Variants in NTM observed in about 807,000 individuals in gnomAD.
NTM encodes neurotrimin.
NTM carries 13 observed loss-of-function variants against 42.1 expected under a neutral mutation model. The observed-to-expected ratio is 0.31, with a 90% CI of 0.20 to 0.49. The LOEUF is 0.49. Ranked by LOEUF, NTM falls within the 20% of genes least tolerant of loss-of-function variation. NTM has a pLI of 0.99. For synonymous variants in NTM, 187 were observed against 179.2 expected (o/e 1.04, Z -0.35); for missense variants, 373 against 452.8 (o/e 0.82, Z 1.60).
chr11:131,885,239 A>G (rs1372110566), intron 1 of NTM, among the ~76,000 whole-genome samples: 1 of 152,224 alleles, frequency 6.6e-6, no homozygotes, highest in African/African-American at 2.4e-5. Context: ...ATACAACAGC[A>G]AACAGGCAAA....
At chr11:131,392,566 G>A (rs892970121) in intron 1 of NTM, among the ~76,000 whole-genome samples, 9 of 152,214 alleles carry the variant, frequency 5.9e-5, no homozygotes, top group African/African-American at 1.7e-4. Context: ...ATAAAGCCTC[G>A]CCTTGAGAAG....
chr11:131,460,318 T>A (rs1000790333), intron 1 of NTM, among the ~76,000 whole-genome samples: 6 of 152,192 alleles, frequency 3.9e-5, no homozygotes, highest in Non-Finnish European at 8.8e-5. Flanking sequence ...TTATTTTGAA[T>A]GGCCCCAAAG....
intron 2 of NTM, among the ~76,000 whole-genome samples, chr11:131,971,536 C>G (rs512066): frequency 0.27 from 40,939 of 151,936 alleles, 6,055 homozygotes; most frequent in African/African-American, 0.37. Context: ...TTTGTCGTCT[C>G]TTACCATTTG....
chr11:131,821,721 G>C (rs1001986728), intron 1 of NTM, among the ~76,000 whole-genome samples: 2 of 152,304 alleles, frequency 1.3e-5, no homozygotes, highest in East Asian at 3.9e-4. Flanking sequence ...TGGAGGAAGG[G>C]CTCTGGGGCT....
At position 131,696,434 on chromosome 11, in the gene NTM, G is replaced by C. The variant is rs142058320; in HGVS notation, c.83-215130G>C. ...TCCAAAGAGGAAGACATATCAAGTT[G>C]TAGGGGCCTTCCCTTCTGCCCACAA... On this transcript the variant is annotated intron_variant, in intron 1 of 8. Coordinates refer to ENST00000683400, the MANE Select transcript of NTM (RefSeq NM_001352005.2). 3.2e-3 allele frequency among the ~76,000 whole-genome samples: 481 copies of C among 152,324 alleles called. 2 individuals are homozygous for C. The highest frequency in any genetic ancestry group is 0.027 in the Middle Eastern group (8 of 294).
At chr11:131,628,137 T>G (rs2137738273) in intron 1 of NTM, among the ~76,000 whole-genome samples, 1 of 152,280 alleles carries the variant, frequency 6.6e-6, no homozygotes, top group Admixed American at 6.5e-5. Flanking sequence ...ACGAAGCCAC[T>G]AAGGGAATTG....
chr11:131,908,058 TTGCAAG>T (rs2054122880), intron 1 of NTM, among the ~76,000 whole-genome samples: 2 of 152,246 alleles, frequency 1.3e-5, no homozygotes, highest in Admixed American at 1.3e-4. Flanking sequence ...AGGTATGAGG[TTGCAAG>T]TGCCTTTTCT....
chr11:132,298,113 T>C (rs1591822806), intron 4 of NTM, among the ~76,000 whole-genome samples: 1 of 152,226 alleles, frequency 6.6e-6, no homozygotes, highest in Non-Finnish European at 1.5e-5. Flanking sequence ...AGAATTCCCT[T>C]AAATTAATCT....
chr11:131,821,462 C>T (rs1308055443), intron 1 of NTM, among the ~76,000 whole-genome samples: 11 of 152,154 alleles, frequency 7.2e-5, no homozygotes, highest in Non-Finnish European at 1.5e-4. Context: ...CCAGCAAACA[C>T]TTGAGTCTAT....
chr11:132,036,931 G>T (rs2076577672), intron 2 of NTM, among the ~76,000 whole-genome samples: 1 of 152,110 alleles, frequency 6.6e-6, no homozygotes, highest in Non-Finnish European at 1.5e-5. Context: ...GTATCCTGGG[G>T]TCAGCACTGA....
At chr11:131,944,845 G>A (rs1170962728) in intron 2 of NTM, among the ~76,000 whole-genome samples, 1 of 152,142 alleles carries the variant, frequency 6.6e-6, no homozygotes, top group East Asian at 1.9e-4. Context: ...TGTGTAGTGC[G>A]GAGAACCAAA....
At chr11:132,163,432 A>G (rs912310753) in intron 3 of NTM, among the ~76,000 whole-genome samples, 4 of 152,244 alleles carry the variant, frequency 2.6e-5, no homozygotes, top group African/African-American at 9.6e-5. Flanking sequence ...TGTATAGCTT[A>G]TTGAAACCTG....
At chr11:131,660,223 G>A (rs939189341) in intron 1 of NTM, 21 of 324,822 alleles carry the variant, frequency 6.5e-5, no homozygotes, top group Non-Finnish European at 1.2e-4. Context: ...TGAGGCAGGG[G>A]ACTGAACACA....
intron 1 of NTM, among the ~76,000 whole-genome samples, chr11:131,702,227 G>A (rs1384307748): frequency 6.6e-6 from 1 of 152,096 alleles, no homozygotes; most frequent in Non-Finnish European, 1.5e-5. Context: ...ATCTATCAGG[G>A]TCTGCTTTTC....
At chr11:131,747,568 G>A (rs1376481170) in intron 1 of NTM, among the ~76,000 whole-genome samples, 1 of 152,158 alleles carries the variant, frequency 6.6e-6, no homozygotes, top group Non-Finnish European at 1.5e-5. Flanking sequence ...TCTGAGATGA[G>A]TGGTGTAAAT....
chr11:132,166,039 C>T (rs2075219998), intron 3 of NTM, among the ~76,000 whole-genome samples: 1 of 151,974 alleles, frequency 6.6e-6, no homozygotes, highest in Non-Finnish European at 1.5e-5. Context: ...AAAATTTTCA[C>T]CTAAAGCTCT....
At chr11:132,097,052 G>A (rs1279589780) in intron 2 of NTM, among the ~76,000 whole-genome samples, 1 of 152,318 alleles carries the variant, frequency 6.6e-6, no homozygotes, top group South Asian at 2.1e-4. Flanking sequence ...TTCAGGTGGC[G>A]TGAAGCTCCA....
chr11:132,155,589 G>C (rs1003132313), intron 3 of NTM, among the ~76,000 whole-genome samples: 1 of 152,166 alleles, frequency 6.6e-6, no homozygotes. Context: ...CTCTTCCTCA[G>C]CTCTCTTGCC....
chr11:131,380,897 C>A (rs994098435), intron 1 of NTM, among the ~76,000 whole-genome samples: 10 of 152,202 alleles, frequency 6.6e-5, no homozygotes, highest in African/African-American at 2.4e-4. Context: ...TATTATAAAG[C>A]CATTTTCTTA....
Sources: gnomAD v4.1 joint callset for allele counts (sites outside exome capture counted in the v4.1 genomes callset) on GRCh38, gnomAD v4.1.1 for gene constraint, MANE v1.5 for transcripts, NCBI Gene and HGNC (gene_info 2026-07-23, HGNC 2026-07-21) for gene names.